Variants in ASH1L observed in about 807,000 individuals in gnomAD.
The protein encoded by ASH1L is ASH1 like histone lysine methyltransferase, also known as histone-lysine N-methyltransferase ASH1L.
ASH1L carries 23 observed loss-of-function variants against 269.0 expected under a neutral mutation model. The ratio of observed to expected loss-of-function variants is 0.09; its 90% CI spans 0.06 to 0.12. The LOEUF (loss-of-function observed/expected upper bound fraction) is 0.12. Ranked by LOEUF, ASH1L falls within the 10% of genes least tolerant of loss-of-function variation. The pLI, the probability that ASH1L is intolerant of heterozygous loss-of-function variation, is 1.00. For missense variants in ASH1L, 2,912 were observed against 3,567.8 expected (o/e 0.82, Z 4.68); for synonymous variants, 1,187 against 1,253.5 (o/e 0.95, Z 1.12).
chr1:155,516,075 G>C (rs1668485944), intron 2 of ASH1L, among the ~76,000 whole-genome samples: 1 of 151,814 alleles, frequency 6.6e-6, no homozygotes, highest in South Asian at 2.1e-4. Context: ...TCCTGCTATA[G>C]TACCAGCAAC....
rs763496981 is a variant in ASH1L at position 155,479,487 on chromosome 1, A to G, written c.3383T>C (p.Val1128Ala). ...QSPVSSDAGF[V>A]EPSSVPYLHL... ...CAAATATGGCACTGAACTGGGTTCAACAAAACCTGCATCACTACTTACAGG... is the reference window on the plus strand; with the variant it reads ...CAAATATGGCACTGAACTGGGTTCAGCAAAACCTGCATCACTACTTACAGG... The change falls in exon 3 of 28, where the codon GTT becomes GCT. Residue 1128 changes from valine (V) to alanine (A), a missense_variant. By Grantham distance (64) the Val-to-Ala change is moderately conservative. Around this residue, in one of 13 missense-constraint regions of ASH1L, gnomAD observed 157 missense variants for 154.6 expected, o/e 1.02. Coordinates refer to ENST00000392403, the MANE Select transcript of ASH1L (RefSeq NM_018489.3). 1.5e-5 allele frequency: 24 copies of G among 1,614,082 alleles called. No individual in the cohort carries two copies. The Admixed American group carries it at 2.5e-4, about 17-fold the overall frequency.
intron 5 of ASH1L, among the ~76,000 whole-genome samples, chr1:155,435,978 G>A (rs1006583162): frequency 2.0e-5 from 3 of 152,256 alleles, no homozygotes; most frequent in African/African-American, 7.2e-5. Context: ...TTGAAACCAC[G>A]AGGTGGAGGG....
intron 25 of ASH1L, 76 bp from the exon 26 acceptor site, chr1:155,339,444 A>C (rs1352423498): frequency 2.1e-6 from 3 of 1,398,902 alleles, no homozygotes; most frequent in Non-Finnish European, 3.0e-6. Flanking sequence ...GCCAGTCAGG[A>C]TAAGGAACAC....
At chr1:155,434,503 TAAAAAAAAAAAAA>T (rs777553969) in intron 5 of ASH1L, among the ~76,000 whole-genome samples, 3 of 70,230 alleles carry the variant, frequency 4.3e-5, no homozygotes, top group Non-Finnish European at 8.7e-5. Flanking sequence ...TGGGACACAG[TAAAAAAAAAAAAA>T]AAAAAAAAAA....
chr1:155,532,394 C>T (rs999508258), intron 1 of ASH1L, among the ~76,000 whole-genome samples: 7 of 152,094 alleles, frequency 4.6e-5, no homozygotes, highest in Non-Finnish European at 4.4e-5. Context: ...ATGTTAAAAA[C>T]TACCTACAAA....
At chr1:155,560,638 G>A (rs556385578) in intron 1 of ASH1L, among the ~76,000 whole-genome samples, 2 of 152,068 alleles carry the variant, frequency 1.3e-5, no homozygotes, top group South Asian at 4.1e-4. Context: ...CTCACGCCAA[G>A]GCATGGACCA....
At chr1:155,418,121 C>T (rs1660367245) in intron 5 of ASH1L, among the ~76,000 whole-genome samples, 4 of 152,070 alleles carry the variant, frequency 2.6e-5, no homozygotes, top group Admixed American at 2.6e-4. Flanking sequence ...TGTCTTGCAT[C>T]CAATAATAAA....
intron 5 of ASH1L, among the ~76,000 whole-genome samples, chr1:155,420,962 C>A (rs1449496412): frequency 2.0e-5 from 3 of 150,308 alleles, no homozygotes; most frequent in African/African-American, 7.3e-5. Context: ...TCTGTCCAGG[C>A]TTGGCAGCTT....
chr1:155,366,994 T>G (rs993473510), intron 12 of ASH1L, among the ~76,000 whole-genome samples: 3 of 146,868 alleles, frequency 2.0e-5, no homozygotes, highest in South Asian at 2.2e-4. Flanking sequence ...GTTTGGTTTT[T>G]TTTTTTTTTT....
chr1:155,519,778 C>A (rs1056115348), intron 2 of ASH1L, among the ~76,000 whole-genome samples: 3 of 151,958 alleles, frequency 2.0e-5, no homozygotes, highest in Admixed American at 6.6e-5. Context: ...CCTGCCTCAG[C>A]CTCCCAAGGG....
chr1:155,488,153 G>A (rs1236509206), intron 2 of ASH1L, among the ~76,000 whole-genome samples: 2 of 151,640 alleles, frequency 1.3e-5, no homozygotes, highest in African/African-American at 4.8e-5. Flanking sequence ...CCAAAGTGCT[G>A]GGATTACAGG....
At position 155,424,651 on chromosome 1, in the gene ASH1L, C is replaced by A. The variant is rs1660988444; in HGVS notation, c.5829-8728G>T. Reference sequence around the variant, plus strand: ...CCAACTCCCAACCTCAGGTGATCCGCCTGCCTTGGCCTCCCAAAGTCCTGG... The same window carrying A: ...CCAACTCCCAACCTCAGGTGATCCGACTGCCTTGGCCTCCCAAAGTCCTGG... On this transcript the variant is annotated intron_variant, in intron 5 of 27. Transcript: ENST00000392403. 2.0e-5 allele frequency among the ~76,000 whole-genome samples: 3 copies of A among 152,122 alleles called. No individual in the cohort carries two copies. The South Asian group carries it at 6.2e-4, about 32-fold the overall frequency.
intron 7 of ASH1L, among the ~76,000 whole-genome samples, chr1:155,384,527 T>A (rs1425610753): frequency 6.6e-6 from 1 of 151,992 alleles, no homozygotes; most frequent in African/African-American, 2.4e-5. Context: ...TTCTCCTGAG[T>A]AGTTGGGATG....
chr1:155,512,583 C>T (rs1571027255), intron 2 of ASH1L, among the ~76,000 whole-genome samples: 1 of 149,954 alleles, frequency 6.7e-6, no homozygotes, highest in South Asian at 2.1e-4. Context: ...TCCTGAGTAG[C>T]TGGGGGTATA....
intron 5 of ASH1L, chr1:155,433,857 T>C (rs757295018): frequency 2.7e-5 from 44 of 1,605,234 alleles, no homozygotes; most frequent in Non-Finnish European, 3.7e-5. Context: ...GCAGAAACCC[T>C]CTTGCAGGCT....
chr1:155,344,356 A>G (rs1162548874), intron 21 of ASH1L, 83 bp from the exon 22 acceptor site: 2 of 1,051,508 alleles, frequency 1.9e-6, no homozygotes, highest in Admixed American at 4.0e-5. Flanking sequence ...ATTCTCAATC[A>G]AAACTTACTG....
chr1:155,553,969 G>C (rs776668568), intron 1 of ASH1L, among the ~76,000 whole-genome samples: 2 of 150,394 alleles, frequency 1.3e-5, no homozygotes, highest in Non-Finnish European at 3.0e-5. Context: ...GCTAATTTTT[G>C]TATTTTTAGT....
At chr1:155,373,285 G>A (rs1368081423) in intron 10 of ASH1L, among the ~76,000 whole-genome samples, 1 of 151,678 alleles carries the variant, frequency 6.6e-6, no homozygotes, top group Non-Finnish European at 1.5e-5. Flanking sequence ...TCTTGTCACT[G>A]CTTTCTTTAC....
In ASH1L at chr1:155,343,585, A is replaced by C; in HGVS notation, c.8120+19T>G. The C allele has an allele frequency of 6.2e-7, 1 of 1,613,936 alleles. No homozygotes were observed. Among genetic ancestry groups the C allele is most frequent in the Non-Finnish European group, 8.5e-7 (1 of 1,179,854 alleles). On this transcript the variant is annotated intron_variant, in intron 23 of 27. Coordinates refer to ENST00000392403, the MANE Select transcript of ASH1L (RefSeq NM_018489.3). The surrounding 1 kb of genome is among the most constrained non-coding windows in gnomAD (Gnocchi z 6.1). ...GGTACAGCACGGCTGGAAGAAAAGGACAGGACCTCAGCACGTACTTTTCAT... is the reference window on the plus strand; with the variant it reads ...GGTACAGCACGGCTGGAAGAAAAGGCCAGGACCTCAGCACGTACTTTTCAT...
Sources: gnomAD v4.1 joint callset for allele counts (sites outside exome capture counted in the v4.1 genomes callset) on GRCh38, gnomAD v4.1.1 for gene constraint, gnomAD v4.1.1 regional missense constraint, Gnocchi (gnomAD v3.1) non-coding constraint, MANE v1.5 for transcripts, NCBI Gene and HGNC (gene_info 2026-07-23, HGNC 2026-07-21) for gene names.